SLC4A4: variants seen among roughly 807,000 people sequenced by gnomAD.
SLC4A4 encodes electrogenic sodium bicarbonate cotransporter 1.
A neutral mutation model predicts 111.5 loss-of-function variants in SLC4A4; 27 were observed. The ratio of observed to expected loss-of-function variants is 0.24; its 90% CI spans 0.18 to 0.33. The LOEUF (loss-of-function observed/expected upper bound fraction) is 0.33. Ranked by LOEUF, SLC4A4 falls within the 10% of genes least tolerant of loss-of-function variation. SLC4A4 has a pLI of 1.00. For synonymous variants in SLC4A4, 443 were observed against 463.4 expected, an observed-to-expected ratio of 0.96 and a Z score of 0.57; for missense variants, 909 against 1,315.5, an observed-to-expected ratio of 0.69 and a Z score of 4.78.
At chr4:71,145,283 C>T (rs926895066) in intron 2 of SLC4A4, among the ~76,000 whole-genome samples, 1 of 152,146 alleles carries the variant, frequency 6.6e-6, no homozygotes, top group Non-Finnish European at 1.5e-5. Context: ...AGACTTGCAT[C>T]CCAGGGATGA....
intron 1 of SLC4A4, among the ~76,000 whole-genome samples, chr4:71,082,125 T>C (rs564176412): frequency 1.3e-5 from 2 of 152,200 alleles, no homozygotes; most frequent in South Asian, 4.1e-4. Context: ...CTATTTTGGG[T>C]CAAGATTTAA....
At chr4:71,181,466 C>T (rs533090633) in intron 2 of SLC4A4, among the ~76,000 whole-genome samples, 2 of 152,234 alleles carry the variant, frequency 1.3e-5, no homozygotes, top group Admixed American at 6.5e-5. Flanking sequence ...TTTAATTGCT[C>T]ATGTATCCTT....
At chr4:71,473,064 C>T (rs1329652277) in intron 14 of SLC4A4, 94 bp downstream of exon 14, 1 of 1,348,844 alleles carries the variant, frequency 7.4e-7, no homozygotes, top group Non-Finnish European at 1.1e-6. Flanking sequence ...TGTCATGGTC[C>T]TCAGGAATTA....
rs141057030 is a variant in SLC4A4, at chr4:71,163,911, C to T, written c.-2+71119C>T. ...TCCTATTTCTTATTAAGTATACACT[C>T]ATGAAATATAACAAGCCCCTACATT... On this transcript the variant is annotated intron_variant, in intron 2 of 26. Coordinates refer to the SLC4A4 transcript ENST00000649996. Among the ~76,000 whole-genome samples the T allele has an allele frequency of 5.4e-3, 824 of 152,322 alleles. 5 individuals are homozygous for T. Among genetic ancestry groups the T allele is most frequent in the Middle Eastern group, 0.02 (6 of 294 alleles).
At chr4:71,349,829 G>A in intron 4 of SLC4A4, 83 bp from the exon 5 acceptor site, 11 of 1,271,254 alleles carry the variant, frequency 8.7e-6, no homozygotes, top group Non-Finnish European at 1.3e-5. Flanking sequence ...GCTGGAAGGG[G>A]TGAAGATGGA....
intron 2 of SLC4A4, among the ~76,000 whole-genome samples, chr4:71,251,834 G>C (rs1473259894): frequency 2.0e-5 from 3 of 152,028 alleles, no homozygotes; most frequent in Non-Finnish European, 4.4e-5. Context: ...GAGTTTTCTA[G>C]TGGAGAATTT....
At chr4:71,206,485 C>T (rs1717772501) in intron 1 of SLC4A4, among the ~76,000 whole-genome samples, 1 of 152,130 alleles carries the variant, frequency 6.6e-6, no homozygotes, top group Non-Finnish European at 1.5e-5. Context: ...AAGTGCTTAT[C>T]TAGGAAGAAG....
At chr4:71,253,304 A>G (rs1254543553) in intron 2 of SLC4A4, among the ~76,000 whole-genome samples, 1 of 152,130 alleles carries the variant, frequency 6.6e-6, no homozygotes, top group East Asian at 1.9e-4. Context: ...ATCCACCCAT[A>G]TAGACTGTCT....
At chr4:71,355,132 A>G (rs1730173692) in intron 5 of SLC4A4, among the ~76,000 whole-genome samples, 1 of 152,250 alleles carries the variant, frequency 6.6e-6, no homozygotes, top group Non-Finnish European at 1.5e-5. Context: ...TCCAGGCATT[A>G]GTAACAGAGG....
At chr4:71,071,544 T>G (rs1268515655) in intron 1 of SLC4A4, among the ~76,000 whole-genome samples, 1 of 152,060 alleles carries the variant, frequency 6.6e-6, no homozygotes, top group Non-Finnish European at 1.5e-5. Flanking sequence ...TAATTGAAAA[T>G]TAGATTATTT....
At chr4:71,201,540 C>T (rs955118462) in intron 1 of SLC4A4, among the ~76,000 whole-genome samples, 3 of 152,178 alleles carry the variant, frequency 2.0e-5, no homozygotes, top group African/African-American at 7.2e-5. Flanking sequence ...CTTCCAAGTT[C>T]TTTATCCCAA....
intron 16 of SLC4A4, among the ~76,000 whole-genome samples, chr4:71,521,724 CAGGTTAACTT>C (rs1732953705): frequency 6.6e-6 from 1 of 152,148 alleles, no homozygotes. Context: ...GTCGACCACA[CAGGTTAACTT>C]CCTAAGGCAG....
intron 2 of SLC4A4, among the ~76,000 whole-genome samples, chr4:71,102,503 T>C (rs920340838): frequency 5.1e-4 from 78 of 152,178 alleles, no homozygotes; most frequent in African/African-American, 1.8e-3. Context: ...AGGAAAAATG[T>C]TAAGGGCAGG....
At chr4:71,543,111 C>G (rs1039375364) in intron 18 of SLC4A4, among the ~76,000 whole-genome samples, 1 of 152,050 alleles carries the variant, frequency 6.6e-6, no homozygotes, top group Non-Finnish European at 1.5e-5. Flanking sequence ...AGAGGGAGTT[C>G]CCTAATGTGA....
At chr4:71,130,349 C>G (rs893251472) in intron 2 of SLC4A4, among the ~76,000 whole-genome samples, 1 of 152,106 alleles carries the variant, frequency 6.6e-6, no homozygotes, top group Admixed American at 6.5e-5. Context: ...ACCACCTCAG[C>G]CTCCTGAATA....
At chr4:71,161,720 A>G (rs1199451443) in intron 2 of SLC4A4, among the ~76,000 whole-genome samples, 1 of 152,194 alleles carries the variant, frequency 6.6e-6, no homozygotes, top group Non-Finnish European at 1.5e-5. Context: ...ACAGTGTAGG[A>G]GCCTGGCAGG....
intron 7 of SLC4A4, among the ~76,000 whole-genome samples, chr4:71,426,539 A>G (rs1473173124): frequency 6.6e-6 from 1 of 152,118 alleles, no homozygotes; most frequent in Admixed American, 6.6e-5. Flanking sequence ...GTCTCTAACC[A>G]TCATGCTCTC....
At chr4:71,300,311 C>T (rs1725132762) in intron 3 of SLC4A4, 1 of 219,330 alleles carries the variant, frequency 4.6e-6, no homozygotes, top group Admixed American at 4.2e-5. Context: ...GCAGCATGGC[C>T]AGGAAGAAGG....
At chr4:71,120,686 G>T (rs1187940024) in intron 2 of SLC4A4, among the ~76,000 whole-genome samples, 3 of 152,206 alleles carry the variant, frequency 2.0e-5, no homozygotes, top group African/African-American at 7.2e-5. Flanking sequence ...TGGTCAACAT[G>T]GTGAAACCCC....
Sources: gnomAD v4.1 joint callset for allele counts (sites outside exome capture counted in the v4.1 genomes callset) on GRCh38, gnomAD v4.1.1 for gene constraint, MANE v1.5 for transcripts, NCBI Gene and HGNC (gene_info 2026-07-23, HGNC 2026-07-21) for gene names.